Variants in GPCPD1 observed in about 807,000 individuals in gnomAD.
GPCPD1 encodes glycerophosphocholine phosphodiesterase GPCPD1.
GPCPD1 carries 29 observed loss-of-function variants against 89.2 expected under a neutral mutation model. The ratio of observed to expected loss-of-function variants is 0.33; its 90% CI spans 0.24 to 0.44. GPCPD1 has a LOEUF of 0.44. Among genes scored for constraint, GPCPD1 ranks in the 20% least tolerant of loss-of-function variants. The pLI, the probability that GPCPD1 is intolerant of heterozygous loss-of-function variation, is 1.00. For missense variants in GPCPD1, 594 were observed against 808.9 expected, an observed-to-expected ratio of 0.73 and a Z score of 3.22; for synonymous variants, 258 against 266.3, an observed-to-expected ratio of 0.97 and a Z score of 0.30.
At chr20:5,585,882 T>C (rs1022736626) in intron 5 of GPCPD1, 3 of 234,564 alleles carry the variant, frequency 1.3e-5, no homozygotes, top group African/African-American at 4.5e-5. Context: ...GAGCTATGGA[T>C]GCTCAGTCAA....
At chr20:5,573,786 C>T (rs774662707) in intron 11 of GPCPD1, 129 bp downstream of exon 11, 14 of 745,866 alleles carry the variant, frequency 1.9e-5, no homozygotes, top group African/African-American at 8.8e-5. Flanking sequence ...GTCTTCATTC[C>T]GATCTTCACC....
At chr20:5,604,895 G>A (rs1980471591) in intron 1 of GPCPD1, among the ~76,000 whole-genome samples, 2 of 151,860 alleles carry the variant, frequency 1.3e-5, no homozygotes, top group Non-Finnish European at 2.9e-5. Flanking sequence ...TGAGGCTGTA[G>A]TGAGCTGTGA....
intron 1 of GPCPD1, among the ~76,000 whole-genome samples, chr20:5,607,450 T>A (rs760103423): frequency 2.0e-5 from 3 of 151,770 alleles, no homozygotes; most frequent in African/African-American, 2.4e-5. Context: ...TGATGGCACG[T>A]GCCTGTAGTC....
At chr20:5,561,368 A>G (rs1363003580) in intron 16 of GPCPD1, 97 bp downstream of exon 16, 1 of 635,070 alleles carries the variant, frequency 1.6e-6, no homozygotes, top group East Asian at 2.9e-5. Context: ...ATGAGATTTC[A>G]ATTTAGCTTA....
In GPCPD1 at chr20:5,576,017, CT is replaced by C. The variant is rs768130171; in HGVS notation, c.706-40del. The C allele has an allele frequency of 6.0e-6, 7 of 1,159,866 alleles. No homozygotes were observed. The African/African-American group carries it at 1.1e-4, about 18-fold the overall frequency. 71.8% of individuals were successfully genotyped at this position (1,159,866 alleles called of 1,614,324 possible). A position where few individuals can be genotyped will look rare whatever the true frequency, so the allele number is the denominator to read the frequency against. The stretch of plus-strand genomic sequence containing the variant: ...ATTTAAAATAATCTTAATTTTTAAA[CT>C]TCTACATTACATACATACATATACA... On this transcript the variant is annotated intron_variant, in intron 8 of 19. Transcript: ENST00000379019.
intron 4 of GPCPD1, among the ~76,000 whole-genome samples, chr20:5,590,806 C>G (rs1342431008): frequency 6.6e-6 from 1 of 152,000 alleles, no homozygotes; most frequent in Non-Finnish European, 1.5e-5. Context: ...CAAGGGAGAT[C>G]GAGGTCAAAA....
At chr20:5,554,603 G>A (rs7273989) in intron 19 of GPCPD1, among the ~76,000 whole-genome samples, 37,606 of 152,024 alleles carry the variant, frequency 0.25, 5,106 homozygotes, top group East Asian at 0.43. Flanking sequence ...TGAGACGTAC[G>A]GCTCAGGAAG....
Sources: allele counts gnomAD v4.1 joint callset (sites outside exome capture counted in the v4.1 genomes callset), GRCh38; gene constraint gnomAD v4.1.1; transcripts MANE v1.5; gene names NCBI Gene and HGNC (gene_info 2026-07-23, HGNC 2026-07-21).